The following PGBD2 variants were observed in gnomAD, a reference collection of about 807,000 sequenced individuals.
The protein encoded by PGBD2 is piggyBac transposable element-derived protein 2.
A neutral mutation model predicts 8.1 loss-of-function variants in PGBD2; 6 were observed. The observed-to-expected ratio is 0.74, with a 90% CI of 0.40 to 1.46. The LOEUF is 1.46. PGBD2 is among the 40% of genes most tolerant of loss of function. The pLI, the probability that PGBD2 is intolerant of heterozygous loss-of-function variation, is 0.02. For missense variants in PGBD2, 802 were observed against 739.0 expected (o/e 1.09, Z -0.99); for synonymous variants, 318 against 272.2 (o/e 1.17, Z -1.66).
chr1:248,873,873 T>C, the PGBD2 span, among the ~76,000 whole-genome samples: 1 of 152,178 alleles, frequency 6.6e-6, no homozygotes, highest in South Asian at 2.1e-4. Flanking sequence ...GGCCGAGTGG[T>C]CTAAGGCGCC....
At chr1:248,874,018 C>T in the PGBD2 span, among the ~76,000 whole-genome samples, 1 of 152,220 alleles carries the variant, frequency 6.6e-6, no homozygotes, top group African/African-American at 2.4e-5. Context: ...TCCCGGAGTC[C>T]GTTGGTATTT....
At chr1:248,875,324 A>AG in the PGBD2 span, among the ~76,000 whole-genome samples, 56 of 149,448 alleles carry the variant, frequency 3.7e-4, no homozygotes, top group African/African-American at 1.3e-3. Flanking sequence ...AAAAAAAAAA[A>AG]AAAAGAAAAG....
Position 248,916,878 on chromosome 1 carries a change from C to T in PGBD2, c.294C>T (p.Ala98=). The T allele has an allele frequency of 6.2e-7, 1 of 1,614,022 alleles. No individual in the cohort carries two copies. Among genetic ancestry groups the T allele is most frequent in the Non-Finnish European group, 8.5e-7 (1 of 1,180,016 alleles). ...EDNDDLELQP[A]KKRQKAVVKP... ...ATGACGACCTGGAGCTGCAGCCAGCCAAGAAGAGGCAGAAAGCAGTTGTGA... is the reference window on the plus strand; with the variant it reads ...ATGACGACCTGGAGCTGCAGCCAGCTAAGAAGAGGCAGAAAGCAGTTGTGA... Residue 98 remains alanine, a synonymous_variant, in exon 3 of 3, where the codon GCC becomes GCT. Transcript: ENST00000329291.
At chr1:248,875,324 A>AAAAAG in the PGBD2 span, among the ~76,000 whole-genome samples, 46 of 149,386 alleles carry the variant, frequency 3.1e-4, no homozygotes, top group African/African-American at 1.1e-3. Flanking sequence ...AAAAAAAAAA[A>AAAAAG]AAAAGAAAAG....
chr1:248,911,721 G>T (rs1180006592), intron 1 of PGBD2, among the ~76,000 whole-genome samples: 2 of 143,216 alleles, frequency 1.4e-5, no homozygotes, highest in African/African-American at 2.9e-5. Context: ...CTCACCTCCC[G>T]GACGGGGCGG....
rs116176747 is a variant in PGBD2 at position 248,914,874 on chromosome 1, T to A, written c.17+995T>A. On this transcript the variant is annotated intron_variant, in intron 2 of 2. Coordinates refer to ENST00000329291, the MANE Select transcript of PGBD2 (RefSeq NM_170725.3). ...CTGGCTCTGCTCTGCTCTCTTGTCT[T>A]CATTGCACCTGCAGCCTCGCTGATC... is the stretch of plus-strand genomic sequence containing the variant. Among the ~76,000 whole-genome samples, 654 of 152,294 alleles carry A rather than the reference T, an allele frequency of 4.3e-3. 4 individuals are homozygous for A. The highest frequency in any genetic ancestry group is 7.3e-3 in the Non-Finnish European group (494 of 68,022).
chr1:248,926,992 T>C, the PGBD2 span, among the ~76,000 whole-genome samples: 2 of 151,938 alleles, frequency 1.3e-5, no homozygotes, highest in African/African-American at 2.4e-5. Flanking sequence ...GTGGAGACAA[T>C]GATAGTGGAG....
At chr1:248,915,260 C>T (rs929100999) in intron 2 of PGBD2, among the ~76,000 whole-genome samples, 1 of 152,242 alleles carries the variant, frequency 6.6e-6, no homozygotes, top group African/African-American at 2.4e-5. Context: ...TGCTCACTGT[C>T]TGTGCTCAAA....
the PGBD2 span, among the ~76,000 whole-genome samples, chr1:248,876,642 A>C: frequency 6.6e-6 from 1 of 152,242 alleles, no homozygotes; most frequent in African/African-American, 2.4e-5. Flanking sequence ...GACCCACTGG[A>C]TGGTTGGGTC....
At chr1:248,908,824 C>T (rs758782900) in intron 1 of PGBD2, among the ~76,000 whole-genome samples, 2 of 152,060 alleles carry the variant, frequency 1.3e-5, no homozygotes, top group Non-Finnish European at 2.9e-5. Flanking sequence ...CTTTGCTTCT[C>T]CTGTGCTGTG....
the PGBD2 span, among the ~76,000 whole-genome samples, chr1:248,882,574 G>A: frequency 3.9e-5 from 6 of 152,244 alleles, no homozygotes; most frequent in African/African-American, 1.4e-4. Context: ...ACCCTAAAGA[G>A]GCCTAGAAGA....
the PGBD2 span, among the ~76,000 whole-genome samples, chr1:248,883,593 T>TC: frequency 2.2e-5 from 3 of 139,320 alleles, no homozygotes; most frequent in African/African-American, 8.3e-5. Flanking sequence ...TCTTTTTTTT[T>TC]TTTTTTTTTT....
the PGBD2 span, among the ~76,000 whole-genome samples, chr1:248,895,288 G>A: frequency 2.0e-5 from 3 of 152,128 alleles, no homozygotes; most frequent in African/African-American, 4.8e-5. Flanking sequence ...CCTGCCCACA[G>A]AGTGCTAGGC....
At chr1:248,876,278 G>A in the PGBD2 span, among the ~76,000 whole-genome samples, 26 of 152,140 alleles carry the variant, frequency 1.7e-4, no homozygotes, top group Admixed American at 6.6e-4. Context: ...AAAGTGCTAG[G>A]ATTACAGGCG....
downstream of PGBD2, among the ~76,000 whole-genome samples, chr1:248,923,098 T>C (rs1261904352): frequency 2.0e-5 from 3 of 152,192 alleles, no homozygotes; most frequent in African/African-American, 7.2e-5. Context: ...GGACTTTTTT[T>C]GGTTGGTAGG....
At chr1:248,922,170 C>T (rs1319109940), downstream of PGBD2, among the ~76,000 whole-genome samples, 2 of 151,890 alleles carry the variant, frequency 1.3e-5, no homozygotes, top group African/African-American at 4.8e-5. Flanking sequence ...CGCCATTCTC[C>T]TGCCTCAGTC....
At chr1:248,890,390 C>T in the PGBD2 span, among the ~76,000 whole-genome samples, 4 of 152,152 alleles carry the variant, frequency 2.6e-5, no homozygotes, top group South Asian at 2.1e-4. Context: ...TTGTGTTCAC[C>T]GTTTTTATGC....
At chr1:248,888,938 C>T in the PGBD2 span, among the ~76,000 whole-genome samples, 2 of 152,114 alleles carry the variant, frequency 1.3e-5, no homozygotes, top group African/African-American at 2.4e-5. Context: ...AGTCTAATTT[C>T]ATTCTTCTGC....
intron 1 of PGBD2, among the ~76,000 whole-genome samples, chr1:248,906,671 G>T (rs1661650476): frequency 6.7e-6 from 1 of 148,360 alleles, no homozygotes; most frequent in African/African-American, 2.5e-5. Context: ...CGGGCGGGGT[G>T]GGCGGGACGA....
Sources: allele counts gnomAD v4.1 joint callset (sites outside exome capture counted in the v4.1 genomes callset), GRCh38; gene constraint gnomAD v4.1.1; transcripts MANE v1.5; gene names NCBI Gene and HGNC (gene_info 2026-07-23, HGNC 2026-07-21).